BMPR2: variants seen among roughly 807,000 people sequenced by gnomAD.
The protein encoded by BMPR2 is bone morphogenetic protein receptor type 2.
Under a neutral mutation model 100.8 loss-of-function variants are expected in BMPR2, and 29 were observed. The ratio of observed to expected loss-of-function variants is 0.29; its 90% CI spans 0.21 to 0.39. The LOEUF (loss-of-function observed/expected upper bound fraction) is 0.39. Ranked by LOEUF, BMPR2 falls within the 10% of genes least tolerant of loss-of-function variation. The pLI, the probability that BMPR2 is intolerant of heterozygous loss-of-function variation, is 1.00. For synonymous variants in BMPR2, 382 were observed against 442.3 expected (o/e 0.86, Z 1.71); for missense variants, 1,011 against 1,274.5 (o/e 0.79, Z 3.15).
intron 1 of BMPR2, among the ~76,000 whole-genome samples, chr2:202,393,388 C>T (rs1273035434): frequency 6.6e-6 from 1 of 152,174 alleles, no homozygotes; most frequent in Non-Finnish European, 1.5e-5. Context: ...CTTGCCTTTG[C>T]TTTGATCTAT....
chr2:202,551,559 C>T (rs1301457129), intron 10 of BMPR2, among the ~76,000 whole-genome samples: 1 of 151,976 alleles, frequency 6.6e-6, no homozygotes, highest in Non-Finnish European at 1.5e-5. Flanking sequence ...AGCTTTCCCC[C>T]AAAGGGAGAC....
chr2:202,404,702 A>G lies in BMPR2; in HGVS notation c.76+27152A>G, dbSNP rs529046063. 3.2e-4 allele frequency among the ~76,000 whole-genome samples: 49 copies of G among 152,306 alleles called. 1 individual carries two copies. Among genetic ancestry groups the G allele is most frequent in the African/African-American group, 1.1e-3 (45 of 41,564 alleles). On this transcript the variant is annotated intron_variant, in intron 1 of 12. Coordinates refer to ENST00000374580, the MANE Select transcript of BMPR2 (RefSeq NM_001204.7). ...TAGGTTGGGTATATTGGGTGGTGCT[A>G]AAGTTTGGGCTTCTACTAATCCCAT... is the stretch of plus-strand genomic sequence containing the variant.
At chr2:202,457,220 T>C (rs1419974899) in intron 1 of BMPR2, among the ~76,000 whole-genome samples, 1 of 152,134 alleles carries the variant, frequency 6.6e-6, no homozygotes, top group Admixed American at 6.5e-5. Flanking sequence ...TTAAACCTCA[T>C]GTAATAAGAT....
intron 9 of BMPR2, among the ~76,000 whole-genome samples, chr2:202,535,849 G>C (rs899064389): frequency 2.0e-5 from 3 of 152,186 alleles, no homozygotes; most frequent in Admixed American, 6.5e-5. Context: ...TCGGGAGGCC[G>C]AGGCTGGCGG....
At chr2:202,552,137 A>G (rs1452016408) in intron 10 of BMPR2, among the ~76,000 whole-genome samples, 1 of 151,842 alleles carries the variant, frequency 6.6e-6, no homozygotes, top group Non-Finnish European at 1.5e-5. Flanking sequence ...ACAGGTGTGA[A>G]CCACCACGCC....
Position 202,480,394 on chromosome 2 carries a change from C to T in BMPR2, c.418+12705C>T, listed in dbSNP as rs146199714. On this transcript the variant is annotated intron_variant, in intron 3 of 12. Transcript: ENST00000374580. ...TCTGCCTGCCTCGGCCTCCCAAAGT[C>T]CTGGGAATACAGGTGTGAGCCACCA... Among the ~76,000 whole-genome samples the T allele has an allele frequency of 2.3e-3, 355 of 152,112 alleles. 1 individual carries two copies. Among genetic ancestry groups the T allele is most frequent in the African/African-American group, 8.0e-3 (334 of 41,518 alleles).
intron 1 of BMPR2, among the ~76,000 whole-genome samples, chr2:202,455,364 A>G: frequency 6.6e-6 from 1 of 152,188 alleles, no homozygotes; most frequent in East Asian, 1.9e-4. Context: ...ACTGGGCAAC[A>G]TAGCCAGACC....
chr2:202,544,481 A>C (rs1282863731), intron 10 of BMPR2, among the ~76,000 whole-genome samples: 1 of 152,208 alleles, frequency 6.6e-6, no homozygotes. Context: ...TCTAGCCTAC[A>C]ATCTCCATGT....
chr2:202,552,118 G>T (rs190447883), intron 10 of BMPR2, among the ~76,000 whole-genome samples: 55 of 152,256 alleles, frequency 3.6e-4, no homozygotes, highest in African/African-American at 1.1e-3. Flanking sequence ...CTCCCAAAGT[G>T]CTGGGATTAC....
rs561091411 is a variant in BMPR2 at position 202,440,242 on chromosome 2, C to T, written c.77-24567C>T. On this transcript the variant is annotated intron_variant, in intron 1 of 12. Coordinates refer to ENST00000374580, the MANE Select transcript of BMPR2 (RefSeq NM_001204.7). ...CTCAATGAGCTGTTGGGTACACCTC[C>T]CAGACGGGGTGGCGGCCGGGCAGAG... is the stretch of plus-strand genomic sequence containing the variant. Among the ~76,000 whole-genome samples the T allele has an allele frequency of 1.9e-3, 291 of 150,886 alleles. 7 individuals carry two copies. The highest frequency in any genetic ancestry group is 0.016 in the Admixed American group (248 of 15,252).
intron 3 of BMPR2, among the ~76,000 whole-genome samples, chr2:202,483,382 T>G (rs1692700578): frequency 6.6e-6 from 1 of 152,006 alleles, no homozygotes; most frequent in African/African-American, 2.4e-5. Flanking sequence ...TTTGTTTTTT[T>G]GTTTTTGTTT....
At chr2:202,479,784 T>G (rs1229134427) in intron 3 of BMPR2, among the ~76,000 whole-genome samples, 1 of 152,168 alleles carries the variant, frequency 6.6e-6, no homozygotes, top group Non-Finnish European at 1.5e-5. Context: ...CAGTTTCTTT[T>G]TGGTTATAGT....
intron 2 of BMPR2, 85 bp downstream of exon 2, chr2:202,465,064 C>A: frequency 2.6e-6 from 4 of 1,528,446 alleles, no homozygotes; most frequent in Non-Finnish European, 3.6e-6. Context: ...ATGTTAAAAT[C>A]CTGTTCAGAA....
intron 1 of BMPR2, among the ~76,000 whole-genome samples, chr2:202,430,085 G>A (rs1691474157): frequency 6.6e-6 from 1 of 152,160 alleles, no homozygotes; most frequent in African/African-American, 2.4e-5. Context: ...TCAGGTTCTG[G>A]TGAGAGCTCT....
At chr2:202,424,531 A>G (rs1270785980) in intron 1 of BMPR2, among the ~76,000 whole-genome samples, 1 of 151,764 alleles carries the variant, frequency 6.6e-6, no homozygotes, top group Non-Finnish European at 1.5e-5. Flanking sequence ...CCCCGTCTCT[A>G]CTAAAAGTAC....
At chr2:202,384,705 T>C (rs1690391486) in intron 1 of BMPR2, among the ~76,000 whole-genome samples, 1 of 151,996 alleles carries the variant, frequency 6.6e-6, no homozygotes, top group East Asian at 1.9e-4. Context: ...GTGATTCTTG[T>C]GCCTCAGCCT....
At position 202,565,655 on chromosome 2, in the gene BMPR2, T is replaced by C. The variant is rs1441111591; in HGVS notation, c.*5709T>C. The C allele has an allele frequency of 1.3e-5, 2 of 152,616 alleles. No homozygotes were observed. The highest frequency in any genetic ancestry group is 2.9e-5 in the Non-Finnish European group (2 of 68,016). The allele number at this position is 152,616 out of a possible 1,614,324, so 9.5% of individuals were successfully genotyped here. ...TATGATTGAGCCACAACCTTTTACA[T>C]ATTTTTTGTATGAAATATTAAACAC... On this transcript the variant is annotated 3_prime_UTR_variant, in exon 13 of 13. Coordinates refer to ENST00000374580, the MANE Select transcript of BMPR2 (RefSeq NM_001204.7).
chr2:202,488,555 C>T (rs1037051338), intron 3 of BMPR2, among the ~76,000 whole-genome samples: 1 of 151,850 alleles, frequency 6.6e-6, no homozygotes, highest in Non-Finnish European at 1.5e-5. Flanking sequence ...AACTCCTGGG[C>T]TCAAGTGATC....
In BMPR2 at chr2:202,416,075, T is replaced by C. The variant is rs547591089; in HGVS notation, c.76+38525T>C. 2.4e-4 allele frequency among the ~76,000 whole-genome samples: 36 copies of C among 152,246 alleles called. 1 individual carries two copies. The South Asian group carries it at 7.1e-3, about 30-fold the overall frequency. On this transcript the variant is annotated intron_variant, in intron 1 of 12. Coordinates refer to ENST00000374580, the MANE Select transcript of BMPR2 (RefSeq NM_001204.7). ...TGATTCATGGGAGGAGGTTAAAATA[T>C]CAGTACTAACAGGAATTTGGAAGAA...
Sources: allele counts gnomAD v4.1 joint callset (sites outside exome capture counted in the v4.1 genomes callset), GRCh38; gene constraint gnomAD v4.1.1; transcripts MANE v1.5; gene names NCBI Gene and HGNC (gene_info 2026-07-23, HGNC 2026-07-21).